The following RAB37 variants were observed in gnomAD, a reference collection of about 807,000 sequenced individuals.
RAB37 encodes RAB37, member RAS oncogene family, also known as ras-related protein Rab-37.
A neutral mutation model predicts 33.1 loss-of-function variants in RAB37; 29 were observed. The observed-to-expected ratio is 0.88, with a 90% CI of 0.65 to 1.20. The LOEUF (loss-of-function observed/expected upper bound fraction) is 1.20, where lower values mean the gene tolerates loss of function less well. Among genes scored for constraint, RAB37 ranks in the 50% most tolerant of loss-of-function variants. The pLI, the probability that RAB37 is intolerant of heterozygous loss-of-function variation, is 0.00. For missense variants in RAB37, 299 were observed against 301.1 expected (o/e 0.99, Z 0.05); for synonymous variants, 128 against 119.5 (o/e 1.07, Z -0.47).
chr17:74,672,241 T>C (rs2031721948), intron 1 of RAB37, among the ~76,000 whole-genome samples: 1 of 152,194 alleles, frequency 6.6e-6, no homozygotes, highest in Admixed American at 6.5e-5. Context: ...TTTTCAGTAA[T>C]GCAGGTCTCC....
chr17:74,704,186 T>C (rs1317037747), intron 1 of RAB37, among the ~76,000 whole-genome samples: 2 of 152,178 alleles, frequency 1.3e-5, no homozygotes, highest in East Asian at 3.9e-4. Context: ...GGCATCCCTT[T>C]GGCCCATGGG....
chr17:74,735,928 G>T (rs1425316106), upstream of RAB37, among the ~76,000 whole-genome samples: 1 of 152,090 alleles, frequency 6.6e-6, no homozygotes, highest in Non-Finnish European at 1.5e-5. Flanking sequence ...ATTGCAGGCC[G>T]GGCGCAGTGG....
At chr17:74,736,420 G>A (rs1258607358), upstream of RAB37, 1 of 565,672 alleles carries the variant, frequency 1.8e-6, no homozygotes, top group Non-Finnish European at 2.2e-6. Flanking sequence ...CCCACTCTCT[G>A]TCACCAGGAG....
At chr17:74,721,581 C>T (rs1378606303) in intron 1 of RAB37, among the ~76,000 whole-genome samples, 1 of 151,956 alleles carries the variant, frequency 6.6e-6, no homozygotes, top group African/African-American at 2.4e-5. Flanking sequence ...TACAGGTGCA[C>T]GTCACCATGC....
intron 1 of RAB37, among the ~76,000 whole-genome samples, chr17:74,708,871 G>T (rs868659659): frequency 3.5e-5 from 5 of 143,518 alleles, no homozygotes; most frequent in Non-Finnish European, 4.6e-5. Context: ...AGCCGAGATC[G>T]CGCCACTGCA....
At chr17:74,709,540 A>G (rs1250237211) in intron 1 of RAB37, among the ~76,000 whole-genome samples, 1 of 152,106 alleles carries the variant, frequency 6.6e-6, no homozygotes, top group African/African-American at 2.4e-5. Context: ...GACTTTTAGG[A>G]CACCATAAAC....
rs969539196 is a variant in RAB37 at position 74,740,841 on chromosome 17, C to T, written c.167C>T (p.Ser56Phe). The change falls in exon 2 of 9, where the codon TCC (serine) becomes TTC (phenylalanine). Residue 56 changes from serine to phenylalanine, a missense_variant. Transcript: ENST00000392613. ...CAATTCAAAGACGGGGCCTTCCTGT[C>T]CGGAACCTTCATAGCCACCGTCGGC... ...LIQFKDGAFL[S>F]GTFIATVGID... is the part of the protein sequence containing the mutation. The T allele has an allele frequency of 6.2e-7, 1 of 1,613,972 alleles. No individual in the cohort carries two copies. The highest frequency in any genetic ancestry group is 8.5e-7 in the Non-Finnish European group (1 of 1,179,962).
rs1384868789 is a variant in RAB37 at position 74,738,824 on chromosome 17, AG to A, written c.93+1463del. On this transcript the variant is annotated intron_variant, in intron 1 of 8. Transcript: ENST00000392613. This position sits in a 1 kb window ranked among gnomAD's most constrained non-coding sequence, Gnocchi z 5.0. Reference sequence around the variant, plus strand: ...TGGCAGGAGCTCCTTGGACCAGACTAGGGGTGATGTGGCCCACAGGCAGACA... The same window carrying A: ...TGGCAGGAGCTCCTTGGACCAGACTAGGGTGATGTGGCCCACAGGCAGACA... Among the ~76,000 whole-genome samples the A allele has an allele frequency of 6.6e-6, 1 of 152,154 alleles. No individual in the cohort carries two copies. Among genetic ancestry groups the A allele is most frequent in the Non-Finnish European group, 1.5e-5 (1 of 68,002 alleles).
At chr17:74,720,312 T>A (rs1183792753) in intron 1 of RAB37, among the ~76,000 whole-genome samples, 1 of 152,094 alleles carries the variant, frequency 6.6e-6, no homozygotes, top group African/African-American at 2.4e-5. Flanking sequence ...AGGCCAGGCA[T>A]GGTGGCTCAC....
intron 1 of RAB37, among the ~76,000 whole-genome samples, chr17:74,740,452 T>C (rs1481358865): frequency 6.6e-6 from 1 of 152,146 alleles, no homozygotes; most frequent in Admixed American, 6.5e-5. Flanking sequence ...ACTGTCTAGA[T>C]TGTGCAAATG....
intron 1 of RAB37, among the ~76,000 whole-genome samples, chr17:74,714,396 A>AAAAC (rs1555590438): frequency 2.9e-5 from 4 of 137,874 alleles, no homozygotes; most frequent in African/African-American, 1.1e-4. Flanking sequence ...TGTCTCTTTA[A>AAAAC]ACACACACAC....
chr17:74,732,427 G>A (rs974493720), upstream of RAB37, among the ~76,000 whole-genome samples: 1 of 151,842 alleles, frequency 6.6e-6, no homozygotes, highest in African/African-American at 2.4e-5. Flanking sequence ...CCATCGACCT[G>A]GATAGCAGGG....
intron 1 of RAB37, among the ~76,000 whole-genome samples, chr17:74,705,694 A>C (rs1464041762): frequency 1.3e-5 from 2 of 151,996 alleles, no homozygotes; most frequent in Non-Finnish European, 2.9e-5. Flanking sequence ...TCCCAGGCTT[A>C]ATTGATCCTC....
chr17:74,744,537 G>T lies in RAB37; in HGVS notation c.432+164G>T. Reference sequence around the variant, plus strand: ...CTGGAGGCTTCTGCCCATCCCATCTGCCCCTTCCAGGGAAAGTCCAAGTTG... The same window carrying T: ...CTGGAGGCTTCTGCCCATCCCATCTTCCCCTTCCAGGGAAAGTCCAAGTTG... On this transcript the variant is annotated intron_variant, in intron 6 of 8. Coordinates refer to ENST00000392613, the MANE Select transcript of RAB37 (RefSeq NM_001006638.3). The surrounding 1 kb of genome is among the most constrained non-coding windows in gnomAD (Gnocchi z 4.2). 1.5e-6 allele frequency: 1 copy of T among 687,312 alleles called. No individual in the cohort carries two copies. The highest frequency in any genetic ancestry group is 2.5e-6 in the Non-Finnish European group (1 of 399,474). 42.6% of individuals were successfully genotyped at this position (687,312 alleles called of 1,614,324 possible).
intron 1 of RAB37, chr17:74,704,797 T>G (rs753048444): frequency 1.2e-6 from 2 of 1,613,220 alleles, no homozygotes; most frequent in East Asian, 4.5e-5. Context: ...GACCGGTGAT[T>G]TGAGTGACAA....
upstream of RAB37, chr17:74,737,067 C>T (rs758807368): frequency 1.9e-6 from 3 of 1,608,072 alleles, no homozygotes; most frequent in African/African-American, 1.3e-5. Context: ...GGAGGCTGCC[C>T]GCCCCTTCAC....
intron 1 of RAB37, among the ~76,000 whole-genome samples, chr17:74,688,223 C>A (rs1220396305): frequency 6.6e-6 from 1 of 152,096 alleles, no homozygotes; most frequent in South Asian, 2.1e-4. Flanking sequence ...TACGTGTTAA[C>A]TAGAATGATG....
intron 1 of RAB37, among the ~76,000 whole-genome samples, chr17:74,718,820 A>G (rs557218095): frequency 1.0e-3 from 153 of 152,334 alleles, no homozygotes; most frequent in African/African-American, 3.3e-3. Flanking sequence ...TGTATCTATT[A>G]CCAATCTTTT....
chr17:74,678,893 C>T (rs769823733), intron 1 of RAB37, among the ~76,000 whole-genome samples: 2 of 152,096 alleles, frequency 1.3e-5, no homozygotes, highest in Non-Finnish European at 2.9e-5. Context: ...GGCAGATCAC[C>T]TGAGGTCAGG....
Sources: gnomAD v4.1 joint callset for allele counts (sites outside exome capture counted in the v4.1 genomes callset) on GRCh38, gnomAD v4.1.1 for gene constraint, Gnocchi (gnomAD v3.1) non-coding constraint, MANE v1.5 for transcripts, NCBI Gene and HGNC (gene_info 2026-07-23, HGNC 2026-07-21) for gene names.